Variants in RAB7B observed in about 807,000 individuals in gnomAD.
RAB7B encodes RAB7B, member RAS oncogene family, also known as ras-related protein Rab-7b.
At chr1:205,988,423 TG>T (rs1660656112) in intron 4 of RAB7B, among the ~76,000 whole-genome samples, 1 of 152,108 alleles carries the variant, frequency 6.6e-6, no homozygotes, top group South Asian at 2.1e-4. Flanking sequence ...TTTGTAGAGA[TG>T]GGGTCTTGAC....
intron 2 of RAB7B, 28 bp downstream of exon 2, chr1:205,994,055 C>A: frequency 7.5e-6 from 3 of 398,638 alleles, no homozygotes; most frequent in African/African-American, 6.2e-5. Context: ...GGGCTGCTTC[C>A]CAACTCCCAG....
At chr1:205,991,811 G>A (rs1291534832) in intron 4 of RAB7B, among the ~76,000 whole-genome samples, 1 of 152,180 alleles carries the variant, frequency 6.6e-6, no homozygotes, top group East Asian at 1.9e-4. Flanking sequence ...TCAGTCTACC[G>A]TATTCTTTCC....
intron 1 of RAB7B, among the ~76,000 whole-genome samples, chr1:206,002,734 C>T (rs1029494885): frequency 1.3e-3 from 197 of 152,322 alleles, no homozygotes; most frequent in South Asian, 7.2e-3. Context: ...TATTCATTGG[C>T]TCCCCTGGCA....
intron 1 of RAB7B, among the ~76,000 whole-genome samples, chr1:206,001,121 T>C (rs1235833052): frequency 6.6e-6 from 1 of 152,088 alleles, no homozygotes; most frequent in Non-Finnish European, 1.5e-5. Flanking sequence ...CCAGCCTCAC[T>C]AGGAGCAACA....
At chr1:205,982,768 C>T (rs962659435) in intron 5 of RAB7B, among the ~76,000 whole-genome samples, 2 of 152,128 alleles carry the variant, frequency 1.3e-5, no homozygotes, top group Non-Finnish European at 2.9e-5. Flanking sequence ...CCTCTCAAAA[C>T]ACCCTGGGCT....
chr1:205,990,551 C>A (rs1660703872), intron 4 of RAB7B, among the ~76,000 whole-genome samples: 1 of 151,988 alleles, frequency 6.6e-6, no homozygotes, highest in Non-Finnish European at 1.5e-5. Context: ...AGAGAGAGAG[C>A]AACAGGCTGG....
chr1:205,978,367 CT>C lies in RAB7B; in HGVS notation c.*483del, dbSNP rs1336334016. 2 of 152,438 alleles carry C rather than the reference CT, an allele frequency of 1.3e-5. No individual in the cohort carries two copies. Among genetic ancestry groups the C allele is most frequent in the Non-Finnish European group, 2.9e-5 (2 of 68,288 alleles). 9.4% of individuals were successfully genotyped at this position (152,438 alleles called of 1,614,324 possible). On this transcript the variant is annotated 3_prime_UTR_variant, in exon 6 of 6. Transcript: ENST00000617070. ...CGGGCCCAGCATGTGGGGTCCAGACCTTTACTCCTTAGTCTGCTCGTTGAAG... is the reference window on the plus strand; with the variant it reads ...CGGGCCCAGCATGTGGGGTCCAGACCTTACTCCTTAGTCTGCTCGTTGAAG...
chr1:205,996,862 T>TAA (rs1221511704), intron 1 of RAB7B, among the ~76,000 whole-genome samples: 1 of 151,952 alleles, frequency 6.6e-6, no homozygotes, highest in African/African-American at 2.4e-5. Context: ...AAGCCCCTTA[T>TAA]AAAACCATCA....
intron 5 of RAB7B, chr1:205,983,662 C>T (rs1465486103): frequency 2.0e-5 from 3 of 152,194 alleles, no homozygotes; most frequent in African/African-American, 4.8e-5. Context: ...CAAATCCAGG[C>T]CAGTCTGATC....
At chr1:205,994,363 G>A in intron 1 of RAB7B, 1 of 336,882 alleles carries the variant, frequency 3.0e-6, no homozygotes, top group Non-Finnish European at 5.4e-6. Flanking sequence ...CTGGAAGGGT[G>A]GTGACTCTCC....
At chr1:205,993,316 A>T (rs1357944132) in intron 3 of RAB7B, 104 bp downstream of exon 3, 5 of 395,414 alleles carry the variant, frequency 1.3e-5, no homozygotes, top group East Asian at 3.6e-5. Flanking sequence ...TCTCTGCTCT[A>T]GACCATTCTA....
At chr1:205,991,896 A>T (rs1222703366) in intron 4 of RAB7B, among the ~76,000 whole-genome samples, 1 of 152,232 alleles carries the variant, frequency 6.6e-6, no homozygotes, top group African/African-American at 2.4e-5. Context: ...AAGTGGGGTC[A>T]CTGTAGTCAT....
At chr1:205,981,137 A>G (rs1473320683) in intron 5 of RAB7B, among the ~76,000 whole-genome samples, 6 of 151,974 alleles carry the variant, frequency 3.9e-5, no homozygotes, top group African/African-American at 1.4e-4. Flanking sequence ...CAAACAATCC[A>G]TCTGCCTTGC....
At chr1:205,985,840 A>ACCATCCCCACCATCC (rs1571792891) in intron 4 of RAB7B, among the ~76,000 whole-genome samples, 175 bp from the exon 5 acceptor site, 1 of 147,328 alleles carries the variant, frequency 6.8e-6, no homozygotes, top group Non-Finnish European at 1.5e-5. Context: ...CACCAGGCCC[A>ACCATCCCCACCATCC]CCACCACTCC....
chr1:205,991,005 T>A (rs1302034711), intron 4 of RAB7B, among the ~76,000 whole-genome samples: 2 of 152,092 alleles, frequency 1.3e-5, no homozygotes, highest in African/African-American at 4.8e-5. Context: ...ACTCCAGACC[T>A]CATGATTCGC....
At chr1:205,986,196 G>A (rs1660601180) in intron 4 of RAB7B, among the ~76,000 whole-genome samples, 1 of 152,214 alleles carries the variant, frequency 6.6e-6, no homozygotes, top group Non-Finnish European at 1.5e-5. Context: ...GCCTGTTGCT[G>A]GGCAGAGACT....
In RAB7B at chr1:205,994,284, G is replaced by A. The variant is rs900721954; in HGVS notation, c.-16-133C>T. On this transcript the variant is annotated intron_variant, in intron 1 of 5. Transcript: ENST00000617070. ...GGCCCGGGACTGGGTGGGGTTCTCCGAAGGAGGCACGTAATTCAGCAATCT... is the reference window on the plus strand; with the variant it reads ...GGCCCGGGACTGGGTGGGGTTCTCCAAAGGAGGCACGTAATTCAGCAATCT... The A allele has an allele frequency of 5.9e-4, 233 of 392,806 alleles. 1 individual carries two copies. The highest frequency in any genetic ancestry group is 4.4e-3 in the African/African-American group (212 of 48,644). The allele number at this position is 392,806 out of a possible 1,614,324, so 24.3% of individuals were successfully genotyped here.
At chr1:206,002,337 G>A (rs1660904434) in intron 1 of RAB7B, among the ~76,000 whole-genome samples, 1 of 152,176 alleles carries the variant, frequency 6.6e-6, no homozygotes, top group South Asian at 2.1e-4. Flanking sequence ...TGAGGATCTT[G>A]TCTCCTTGAG....
Position 205,978,128 on chromosome 1 carries a change from C to G in RAB7B, c.*723G>C, listed in dbSNP as rs1395830270. 1 of 152,094 alleles carries G rather than the reference C, an allele frequency of 6.6e-6. No homozygotes were observed. Among genetic ancestry groups the G allele is most frequent in the Non-Finnish European group, 1.5e-5 (1 of 68,026 alleles). 9.4% of individuals were successfully genotyped at this position (152,094 alleles called of 1,614,324 possible). A position where few individuals can be genotyped will look rare whatever the true frequency, so the allele number is the denominator to read the frequency against. On this transcript the variant is annotated 3_prime_UTR_variant, in exon 6 of 6. Transcript: ENST00000617070. Reference sequence around the variant, plus strand: ...GGATTTAAGCACAGCTTCTGGTCCTCAAAACCACACTGTGATACAGGGGGC... The same window carrying G: ...GGATTTAAGCACAGCTTCTGGTCCTGAAAACCACACTGTGATACAGGGGGC...
Sources: gnomAD v4.1 joint callset for allele counts (sites outside exome capture counted in the v4.1 genomes callset) on GRCh38, gnomAD v4.1.1 for gene constraint, MANE v1.5 for transcripts, NCBI Gene and HGNC (gene_info 2026-07-23, HGNC 2026-07-21) for gene names.